The following KIF26B variants were observed in gnomAD, a reference collection of about 807,000 sequenced individuals.
The protein encoded by KIF26B is kinesin family member 26B, also known as kinesin-like protein KIF26B.
A neutral mutation model predicts 151.2 loss-of-function variants in KIF26B; 63 were observed. That is an observed-to-expected ratio of 0.42 (90% CI 0.34 to 0.51). The LOEUF (loss-of-function observed/expected upper bound fraction) is 0.51. KIF26B is among the 20% of genes least tolerant of loss of function. The probability of loss-of-function intolerance (pLI) is 0.07; values close to 1 mark genes in which losing one functional copy is unlikely to be tolerated. For synonymous variants in KIF26B, 1,357 were observed against 1,262.1 expected (o/e 1.08, Z -1.59); for missense variants, 2,813 against 2,913.6 (o/e 0.97, Z 0.79).
intron 2 of KIF26B, among the ~76,000 whole-genome samples, chr1:245,219,328 C>T (rs1049543738): frequency 4.6e-5 from 7 of 151,678 alleles, no homozygotes; most frequent in African/African-American, 1.7e-4. Flanking sequence ...ACCGTGTTAG[C>T]CAGGATGGTC....
At chr1:245,157,995 T>G (rs1011476090) in intron 2 of KIF26B, among the ~76,000 whole-genome samples, 1 of 152,182 alleles carries the variant, frequency 6.6e-6, no homozygotes, top group Non-Finnish European at 1.5e-5. Context: ...GAGCTTAGAT[T>G]CTAGTGGAGG....
rs757075572 is a variant in KIF26B, at chr1:245,686,723, C to T, written c.3740C>T (p.Pro1247Leu). 61 of 1,613,428 alleles carry T rather than the reference C, an allele frequency of 3.8e-5. No homozygotes were observed. Among genetic ancestry groups the T allele is most frequent in the Non-Finnish European group, 5.1e-5 (60 of 1,179,826 alleles). ...EDLECYSSTA[P>L]VSEVSITQFL... ...CTGGAGTGCTACTCCAGCACGGCCC[C>T]CGTCTCCGAGGTCAGCATCACACAG... is the stretch of plus-strand genomic sequence containing the variant. The change falls in exon 12 of 15, where the codon CCC (proline) becomes CTC (leucine). Residue 1247 changes from proline (P) to leucine (L), a missense_variant. Pro to Leu is a moderately conservative substitution (Grantham distance 98). Around this residue, in one of 3 missense-constraint regions of KIF26B, gnomAD observed 2,060 missense variants for 2,088.6 expected, o/e 0.99. Coordinates refer to ENST00000407071, the MANE Select transcript of KIF26B (RefSeq NM_018012.4). This position sits in a 1 kb window ranked among gnomAD's most constrained non-coding sequence, Gnocchi z 5.6.
rs752454576 is a variant in KIF26B, at chr1:245,280,537, A to AAAAAAAAAAAAG, written c.466-86293_466-86292insAAAAAAAGAAAA. Among the ~76,000 whole-genome samples, 16 of 123,660 alleles carry AAAAAAAAAAAAG rather than the reference A, an allele frequency of 1.3e-4. 2 individuals are homozygous for AAAAAAAAAAAAG. The highest frequency in any genetic ancestry group is 2.2e-4 in the Non-Finnish European group (12 of 54,622). 81.1% of individuals were successfully genotyped at this position (123,660 alleles called of 152,430 possible). On this transcript the variant is annotated intron_variant, in intron 2 of 14. Coordinates refer to ENST00000407071, the MANE Select transcript of KIF26B (RefSeq NM_018012.4). Reference sequence around the variant, plus strand: ...CAGAGCGAGACTCTGTCTCAAAAAAAAAAAGAAAAGAAATTATTTTAGGCA... The same window carrying AAAAAAAAAAAAG: ...CAGAGCGAGACTCTGTCTCAAAAAAAAAAAAAAAAAAGAAAAGAAAAGAAATTATTTTAGGCA...
intron 4 of KIF26B, among the ~76,000 whole-genome samples, chr1:245,492,474 T>G (rs985126658): frequency 2.0e-5 from 3 of 152,356 alleles, no homozygotes; most frequent in East Asian, 1.9e-4. Flanking sequence ...TGTGTATAAC[T>G]AGAGCTAATA....
At position 245,186,157 on chromosome 1, in the gene KIF26B, G is replaced by T. The variant is rs1159170698; in HGVS notation, c.465+29474G>T. ...CAAAGTGCTGGGATTACAGGCGTGGGCCACTGCGCCTGGCCCTATATTTTC... is the reference window on the plus strand; with the variant it reads ...CAAAGTGCTGGGATTACAGGCGTGGTCCACTGCGCCTGGCCCTATATTTTC... On this transcript the variant is annotated intron_variant, in intron 2 of 14. Coordinates refer to ENST00000407071, the MANE Select transcript of KIF26B (RefSeq NM_018012.4). Among the ~76,000 whole-genome samples, 3 of 152,002 alleles carry T rather than the reference G, an allele frequency of 2.0e-5. No homozygotes were observed. The East Asian group carries it at 5.8e-4, about 30-fold the overall frequency.
At chr1:245,441,545 G>A (rs1357021080) in intron 4 of KIF26B, among the ~76,000 whole-genome samples, 1 of 152,010 alleles carries the variant, frequency 6.6e-6, no homozygotes, top group Non-Finnish European at 1.5e-5. Flanking sequence ...GCCGGCTCCT[G>A]GGAGGGGAGG....
intron 2 of KIF26B, among the ~76,000 whole-genome samples, chr1:245,212,137 G>A (rs1189860291): frequency 2.6e-5 from 4 of 152,340 alleles, no homozygotes; most frequent in East Asian, 1.9e-4. Flanking sequence ...GAAGTGGGCG[G>A]TGGGGCTGGC....
chr1:245,184,050 G>GTTTTTTGTTTTTTTTTTTTTTGTT (rs1553332272), intron 2 of KIF26B, among the ~76,000 whole-genome samples: 3 of 19,804 alleles, frequency 1.5e-4, no homozygotes, highest in Non-Finnish European at 2.0e-4. Flanking sequence ...GGGAGTTGTT[G>GTTTTTTGTTTTTTTTTTTTTTGTT]TTTTTTTTTT....
intron 2 of KIF26B, among the ~76,000 whole-genome samples, chr1:245,175,382 A>G (rs1192437135): frequency 6.6e-6 from 1 of 152,174 alleles, no homozygotes; most frequent in Non-Finnish European, 1.5e-5. Context: ...GCTTTTGTAA[A>G]GTGCATTACT....
At chr1:245,522,263 CA>C (rs1661145339) in intron 4 of KIF26B, among the ~76,000 whole-genome samples, 3 of 152,182 alleles carry the variant, frequency 2.0e-5, no homozygotes, top group Non-Finnish European at 4.4e-5. Context: ...TTGTGACCAG[CA>C]CAACTTATTT....
intron 9 of KIF26B, 174 bp from the exon 10 acceptor site, chr1:245,645,947 A>G: frequency 1.6e-6 from 1 of 616,666 alleles, no homozygotes; most frequent in Non-Finnish European, 2.8e-6. Flanking sequence ...TAAGAGGACC[A>G]ATGCTATTTG....
At chr1:245,206,658 G>C (rs1361020412) in intron 2 of KIF26B, 2 of 152,130 alleles carry the variant, frequency 1.3e-5, no homozygotes. Context: ...CTCCAACCCT[G>C]GATCTTGATG....
chr1:245,454,448 T>A (rs1659467618), intron 4 of KIF26B, among the ~76,000 whole-genome samples: 1 of 152,176 alleles, frequency 6.6e-6, no homozygotes, highest in Non-Finnish European at 1.5e-5. Context: ...CATCTTGATA[T>A]GTGAATGGGA....
At chr1:245,620,216 T>G (rs2043642792) in intron 9 of KIF26B, among the ~76,000 whole-genome samples, 1 of 152,168 alleles carries the variant, frequency 6.6e-6, no homozygotes, top group Non-Finnish European at 1.5e-5. Context: ...AGTTTTCAAT[T>G]CAATTAATTT....
chr1:245,675,531 T>C (rs1423397480), intron 10 of KIF26B, among the ~76,000 whole-genome samples: 1 of 152,114 alleles, frequency 6.6e-6, no homozygotes, highest in Admixed American at 6.5e-5. Flanking sequence ...ACATCTATCT[T>C]TGGGAAAGGT....
intron 2 of KIF26B, among the ~76,000 whole-genome samples, chr1:245,317,255 A>G (rs1228482603): frequency 1.3e-5 from 2 of 152,218 alleles, no homozygotes; most frequent in East Asian, 3.8e-4. Flanking sequence ...AGCTCTAGAA[A>G]TCCTAAAATT....
intron 3 of KIF26B, among the ~76,000 whole-genome samples, chr1:245,382,112 G>T (rs973201851): frequency 6.6e-6 from 1 of 152,100 alleles, no homozygotes; most frequent in Non-Finnish European, 1.5e-5. Flanking sequence ...GTCAAATGGT[G>T]GTTCTGTTTT....
chr1:245,285,599 C>A lies in KIF26B; in HGVS notation c.466-81235C>A, dbSNP rs544674807. Among the ~76,000 whole-genome samples the A allele has an allele frequency of 1.7e-4, 25 of 149,380 alleles. 1 individual carries two copies. In the South Asian group the frequency reaches 5.3e-3, roughly 32 times the overall value. ...GTATGTTCATCTCTACTCCTGAAGT[C>A]TCTCAGGTGGGATATTCCAGATGAG... is the stretch of plus-strand genomic sequence containing the variant. On this transcript the variant is annotated intron_variant, in intron 2 of 14. Coordinates refer to ENST00000407071, the MANE Select transcript of KIF26B (RefSeq NM_018012.4).
At chr1:245,295,399 A>G (rs1455194532) in intron 2 of KIF26B, among the ~76,000 whole-genome samples, 2 of 152,230 alleles carry the variant, frequency 1.3e-5, no homozygotes, top group East Asian at 3.9e-4. Context: ...TGAACTGGGC[A>G]GTGGCAGATG....
Sources: allele counts gnomAD v4.1 joint callset (sites outside exome capture counted in the v4.1 genomes callset), GRCh38; gene constraint gnomAD v4.1.1; regional missense constraint gnomAD v4.1.1; non-coding constraint Gnocchi (gnomAD v3.1); transcripts MANE v1.5; gene names NCBI Gene and HGNC (gene_info 2026-07-23, HGNC 2026-07-21).